RANBP17: variants seen among roughly 807,000 people sequenced by gnomAD.
RANBP17 encodes the protein RAN binding protein 17, also known as ran-binding protein 17.
In RANBP17, 158 loss-of-function variants were observed where a neutral mutation model predicts 141.2. The observed-to-expected ratio is 1.12, with a 90% CI of 0.98 to 1.28. The LOEUF is 1.28. Among genes scored for constraint, RANBP17 ranks in the 50% most tolerant of loss-of-function variants. RANBP17 has a pLI of 0.00. For synonymous variants in RANBP17, 430 were observed against 450.0 expected, an observed-to-expected ratio of 0.96 and a Z score of 0.56; for missense variants, 1,438 against 1,290.7, an observed-to-expected ratio of 1.11 and a Z score of -1.75.
intron 23 of RANBP17, 60 bp downstream of exon 23, chr5:171,241,202 C>G: frequency 7.9e-7 from 1 of 1,259,788 alleles, no homozygotes; most frequent in Non-Finnish European, 1.1e-6. Context: ...CCACCACAGG[C>G]CTGGAAGTGT....
chr5:171,048,247 A>T (rs889109172), intron 14 of RANBP17, among the ~76,000 whole-genome samples: 8 of 152,002 alleles, frequency 5.3e-5, no homozygotes, highest in African/African-American at 1.7e-4. Context: ...TTTTGTAGAG[A>T]CATCTTCTTT....
intron 20 of RANBP17, among the ~76,000 whole-genome samples, chr5:171,210,743 A>G (rs2127968688): frequency 6.6e-6 from 1 of 152,014 alleles, no homozygotes; most frequent in African/African-American, 2.4e-5. Flanking sequence ...ATGGTGGCTC[A>G]TGCTTGTAAT....
intron 14 of RANBP17, among the ~76,000 whole-genome samples, chr5:171,089,147 G>A (rs1785966554): frequency 6.6e-6 from 1 of 150,428 alleles, no homozygotes. Flanking sequence ...TTTCGGTGTG[G>A]ATGTCCTTTC....
intron 14 of RANBP17, among the ~76,000 whole-genome samples, chr5:171,089,214 T>G (rs975127044): frequency 1.8e-4 from 23 of 131,280 alleles, no homozygotes; most frequent in African/African-American, 2.3e-4. Flanking sequence ...TGGAATACCC[T>G]GCAGTGTGAG....
chr5:170,997,372 C>A (rs949110086), intron 14 of RANBP17, among the ~76,000 whole-genome samples: 1 of 152,068 alleles, frequency 6.6e-6, no homozygotes, highest in Non-Finnish European at 1.5e-5. Context: ...CTCAGAGATT[C>A]ATATGCAGTA....
intron 14 of RANBP17, among the ~76,000 whole-genome samples, chr5:171,011,727 C>T (rs1445724240): frequency 2.6e-5 from 4 of 151,826 alleles, no homozygotes; most frequent in Non-Finnish European, 4.4e-5. Flanking sequence ...AGAATATTCT[C>T]ATACACAAAC....
At chr5:171,005,001 C>T (rs948054053) in intron 14 of RANBP17, among the ~76,000 whole-genome samples, 3 of 152,092 alleles carry the variant, frequency 2.0e-5, no homozygotes, top group Admixed American at 6.5e-5. Context: ...CTGGCTACCC[C>T]CTCTCTATTA....
intron 23 of RANBP17, 97 bp downstream of exon 23, chr5:171,241,239 A>G (rs1764861657): frequency 2.3e-6 from 2 of 888,634 alleles, no homozygotes; most frequent in East Asian, 2.4e-5. Context: ...GAGTTAGCCT[A>G]GAACATTTTA....
chr5:171,283,105 A>C (rs752399344), intron 25 of RANBP17, among the ~76,000 whole-genome samples: 1 of 152,002 alleles, frequency 6.6e-6, no homozygotes, highest in Non-Finnish European at 1.5e-5. Flanking sequence ...ACAGATCCAA[A>C]TGTCACCTTC....
At chr5:171,094,792 A>G (rs1174050954) in intron 14 of RANBP17, among the ~76,000 whole-genome samples, 10 of 152,178 alleles carry the variant, frequency 6.6e-5, no homozygotes, top group Non-Finnish European at 1.2e-4. Flanking sequence ...TCTAATTGCC[A>G]GTCTTAATGT....
intron 14 of RANBP17, among the ~76,000 whole-genome samples, chr5:171,089,899 A>C (rs193101120): frequency 0.035 from 5,281 of 152,312 alleles, 151 homozygotes; most frequent in East Asian, 0.12. Flanking sequence ...TCAGATGGAA[A>C]TGCAGAAATC....
At chr5:170,946,125 C>T (rs1361609031) in intron 12 of RANBP17, among the ~76,000 whole-genome samples, 1 of 152,040 alleles carries the variant, frequency 6.6e-6, no homozygotes, top group African/African-American at 2.4e-5. Context: ...TAAATAGGGA[C>T]TTGTAATATT....
At chr5:171,052,717 A>G (rs1261898945) in intron 14 of RANBP17, among the ~76,000 whole-genome samples, 1 of 152,180 alleles carries the variant, frequency 6.6e-6, no homozygotes, top group Non-Finnish European at 1.5e-5. Context: ...TCCAATTGCA[A>G]ATGAATTTGA....
chr5:171,218,000 C>A (rs1429818030), intron 21 of RANBP17, among the ~76,000 whole-genome samples: 1 of 152,194 alleles, frequency 6.6e-6, no homozygotes, highest in Non-Finnish European at 1.5e-5. Flanking sequence ...TATTTTAGAG[C>A]TTTCCAGCTT....
intron 14 of RANBP17, among the ~76,000 whole-genome samples, chr5:171,008,592 C>T (rs142359131): frequency 1.2e-4 from 18 of 152,166 alleles, no homozygotes; most frequent in Non-Finnish European, 2.1e-4. Context: ...CAATGTTTTG[C>T]GGGTAGGGGG....
intron 5 of RANBP17, among the ~76,000 whole-genome samples, chr5:170,901,430 G>C (rs534413974): frequency 2.0e-5 from 3 of 152,198 alleles, no homozygotes; most frequent in South Asian, 4.2e-4. Flanking sequence ...ACATGAGATG[G>C]GTCTCCTGAA....
At chr5:171,132,715 C>T (rs896665498) in intron 14 of RANBP17, among the ~76,000 whole-genome samples, 1 of 151,320 alleles carries the variant, frequency 6.6e-6, no homozygotes, top group Admixed American at 6.6e-5. Flanking sequence ...GAGCAAGACC[C>T]TATCTCAAGA....
intron 16 of RANBP17, among the ~76,000 whole-genome samples, chr5:171,174,704 G>A (rs1297990152): frequency 6.7e-6 from 1 of 150,110 alleles, no homozygotes; most frequent in Non-Finnish European, 1.5e-5. Context: ...TTGGTGGTTG[G>A]CCTTTATTAC....
intron 16 of RANBP17, among the ~76,000 whole-genome samples, chr5:171,179,602 T>C (rs539134779): frequency 1.8e-4 from 27 of 152,196 alleles, no homozygotes; most frequent in Non-Finnish European, 3.4e-4. Flanking sequence ...TCAGTATGAT[T>C]ACCCACTCTC....
Sources: gnomAD v4.1 joint callset for allele counts (sites outside exome capture counted in the v4.1 genomes callset) on GRCh38, gnomAD v4.1.1 for gene constraint, MANE v1.5 for transcripts, NCBI Gene and HGNC (gene_info 2026-07-23, HGNC 2026-07-21) for gene names.